Variants in ITGB3 observed in about 807,000 individuals in gnomAD.
ITGB3 encodes integrin beta-3.
Under a neutral mutation model 85.8 loss-of-function variants are expected in ITGB3, and 48 were observed. The observed-to-expected ratio is 0.56, with a 90% confidence interval of 0.44 to 0.71. ITGB3 has a LOEUF of 0.71. Ranked by LOEUF, ITGB3 falls within the 30% of genes least tolerant of loss-of-function variation. ITGB3 has a pLI of 0.00. For synonymous variants in ITGB3, 363 were observed against 395.6 expected, an observed-to-expected ratio of 0.92 and a Z score of 0.98; for missense variants, 861 against 1,019.1, an observed-to-expected ratio of 0.84 and a Z score of 2.11.
intron 1 of ITGB3, among the ~76,000 whole-genome samples, chr17:47,262,034 T>G (rs2143035293): frequency 6.6e-6 from 1 of 152,350 alleles, no homozygotes; most frequent in East Asian, 1.9e-4. Flanking sequence ...CCTTATTCAT[T>G]TATTATGCAC....
chr17:47,269,873 C>A (rs2065038331), intron 1 of ITGB3, among the ~76,000 whole-genome samples: 1 of 152,182 alleles, frequency 6.6e-6, no homozygotes, highest in East Asian at 1.9e-4. Flanking sequence ...TAAAGACATA[C>A]CCAATACCAG....
In ITGB3 at chr17:47,280,652, C is replaced by T. The variant is rs570689323; in HGVS notation, c.166-2702C>T. Among the ~76,000 whole-genome samples the T allele has an allele frequency of 2.0e-4, 31 of 152,264 alleles. No individual in the cohort carries two copies. In the South Asian group the frequency reaches 6.0e-3, roughly 30 times the overall value. On this transcript the variant is annotated intron_variant, in intron 2 of 14. Transcript: ENST00000559488. ...GATTACAGGCATGAGTCATCGCACCCGGCCGGTTACAGGGCTTTTGAGTAT... is the reference window on the plus strand; with the variant it reads ...GATTACAGGCATGAGTCATCGCACCTGGCCGGTTACAGGGCTTTTGAGTAT...
In ITGB3 at chr17:47,307,506, C is replaced by T. The variant is rs762005536; in HGVS notation, c.2170C>T (p.Leu724Phe). ...GGGCCCTGACATCCTGGTGGTCCTG[C>T]TCTCAGTGATGGGGGCCATTCTGCT... is the stretch of plus-strand genomic sequence containing the variant. ...PKGPDILVVL[L>F]SVMGAILLIG... Residue 724 changes from leucine to phenylalanine, a missense_variant, in exon 14 of 15, where the codon CTC (leucine) becomes TTC (phenylalanine). Physicochemically the swap from Leu to Phe is conservative, Grantham distance 22 (BLOSUM62 0). Coordinates refer to ENST00000559488, the MANE Select transcript of ITGB3 (RefSeq NM_000212.3). 1 of 1,614,162 alleles carries T rather than the reference C, an allele frequency of 6.2e-7. No individual in the cohort carries two copies. The highest frequency in any genetic ancestry group is 1.7e-5 in the Admixed American group (1 of 60,016).
rs1032493296 is a variant in ITGB3, at chr17:47,310,735, C to T, written c.*531C>T. The T allele has an allele frequency of 8.9e-5, 17 of 191,128 alleles. No homozygotes were observed. In the Admixed American group the frequency reaches 8.9e-4, roughly 10 times the overall value. 11.8% of individuals were successfully genotyped at this position (191,128 alleles called of 1,614,324 possible). A position where few individuals can be genotyped will look rare whatever the true frequency, so the allele number is the denominator to read the frequency against. On this transcript the variant is annotated 3_prime_UTR_variant, in exon 15 of 15. Coordinates refer to ENST00000559488, the MANE Select transcript of ITGB3 (RefSeq NM_000212.3). ...GCTTGGCAGCCCGGGTCATCTGTAC[C>T]TCTGCCTCCTTTCCCCTCCCTCAGG...
chr17:47,287,871 C>A (rs2065108897), intron 6 of ITGB3, among the ~76,000 whole-genome samples: 1 of 144,648 alleles, frequency 6.9e-6, no homozygotes, highest in Non-Finnish European at 1.5e-5. Context: ...GATCTTGCCA[C>A]TACACTCCAG....
chr17:47,267,871 G>C (rs1458762265), intron 1 of ITGB3, among the ~76,000 whole-genome samples: 1 of 152,184 alleles, frequency 6.6e-6, no homozygotes, highest in East Asian at 1.9e-4. Context: ...GTCTGTATTA[G>C]TTCATTTTCA....
rs2065214332 is a variant in ITGB3 at position 47,311,453 on chromosome 17, T to C, written c.*1249T>C. ...CAATTTTATTTTATTTTTCTCATGA[T>C]GAGGTTTTCTTAACTTAAAAGAACA... On this transcript the variant is annotated 3_prime_UTR_variant, in exon 15 of 15. Coordinates refer to ENST00000559488, the MANE Select transcript of ITGB3 (RefSeq NM_000212.3). The C allele has an allele frequency of 6.6e-6, 1 of 152,660 alleles. No homozygotes were observed. The highest frequency in any genetic ancestry group is 2.1e-4 in the South Asian group (1 of 4,836). The allele number at this position is 152,660 out of a possible 1,614,324, so 9.5% of individuals were successfully genotyped here.
chr17:47,290,930 C>T, intron 8 of ITGB3, 24 bp from the exon 9 acceptor site: 3 of 1,613,856 alleles, frequency 1.9e-6, no homozygotes, highest in Non-Finnish European at 2.5e-6. Context: ...AATTTCTTGT[C>T]TTCTTGTGCC....
rs1335203187 is a variant in ITGB3, at chr17:47,310,373, G to A, written c.*169G>A. ...GTGTGGGTCTGTGTGTGTGTATGTGGGGGTCTGTGTGTTTATGTGTGTGTG... is the reference window on the plus strand; with the variant it reads ...GTGTGGGTCTGTGTGTGTGTATGTGAGGGTCTGTGTGTTTATGTGTGTGTG... On this transcript the variant is annotated 3_prime_UTR_variant, in exon 15 of 15. Transcript: ENST00000559488. 4 of 703,068 alleles carry A rather than the reference G, an allele frequency of 5.7e-6. No individual in the cohort carries two copies. In the Middle Eastern group the frequency reaches 1.4e-3, roughly 245 times the overall value. The allele number at this position is 703,068 out of a possible 1,614,324, so 43.6% of individuals were successfully genotyped here.
chr17:47,292,349 G>A lies in ITGB3; in HGVS notation c.1471G>A (p.Gly491Ser). Residue 491 changes from glycine (G) to serine (S), a missense_variant, in exon 10 of 15, where the codon GGC becomes AGC. By Grantham distance (56) the Gly-to-Ser change is moderately conservative (BLOSUM62 0). Transcript: ENST00000559488. ...FECGVCRCGPGWLGSQCECSE... is the reference protein window; with the variant it reads ...FECGVCRCGPSWLGSQCECSE... Reference sequence around the variant, plus strand: ...GTGTGGGGTATGCCGTTGTGGGCCTGGCTGGCTGGGATCCCAGTGTGAGTG... The same window carrying A: ...GTGTGGGGTATGCCGTTGTGGGCCTAGCTGGCTGGGATCCCAGTGTGAGTG... The A allele has an allele frequency of 1.9e-6, 3 of 1,614,220 alleles. No homozygotes were observed. Among genetic ancestry groups the A allele is most frequent in the Non-Finnish European group, 2.5e-6 (3 of 1,180,038 alleles).
At chr17:47,292,045 C>A in intron 9 of ITGB3, 94 bp from the exon 10 acceptor site, 1 of 1,339,308 alleles carries the variant, frequency 7.5e-7, no homozygotes, top group Non-Finnish European at 1.1e-6. Context: ...TTGGGTATTC[C>A]TTGGCAGGGC....
intron 1 of ITGB3, among the ~76,000 whole-genome samples, chr17:47,262,507 G>A (rs1438612998): frequency 2.0e-5 from 3 of 152,146 alleles, no homozygotes; most frequent in Non-Finnish European, 2.9e-5. Context: ...GCTTCCTAGG[G>A]TATGAGTCCC....
chr17:47,308,292 C>T (rs2065197875), intron 14 of ITGB3, among the ~76,000 whole-genome samples: 1 of 152,012 alleles, frequency 6.6e-6, no homozygotes, highest in Admixed American at 6.6e-5. Flanking sequence ...CTTAATCTTA[C>T]TCTATTCTCT....
chr17:47,289,308 C>A (rs1730444268), intron 6 of ITGB3, among the ~76,000 whole-genome samples: 1 of 152,014 alleles, frequency 6.6e-6, no homozygotes, highest in African/African-American at 2.4e-5. Flanking sequence ...TGCTACTTAC[C>A]CTTCTTATCT....
intron 10 of ITGB3, among the ~76,000 whole-genome samples, chr17:47,296,443 A>C (rs1210954234): frequency 1.3e-5 from 2 of 152,148 alleles, no homozygotes; most frequent in Admixed American, 6.5e-5. Flanking sequence ...TATGTTGCCC[A>C]GGCTAGTCTT....
chr17:47,286,604 G>A (rs980103356), intron 5 of ITGB3, among the ~76,000 whole-genome samples, 182 bp downstream of exon 5: 1 of 152,202 alleles, frequency 6.6e-6, no homozygotes, highest in Non-Finnish European at 1.5e-5. Context: ...TCCCTGGCCT[G>A]AGCTGACATT....
chr17:47,254,091 G>C, intron 1 of ITGB3, 151 bp downstream of exon 1: 1 of 464,726 alleles, frequency 2.2e-6, no homozygotes, highest in Admixed American at 4.6e-5. Context: ...TCGGAGCCGG[G>C]AGCTGGGGAC....
chr17:47,287,911 C>CT (rs60463106), intron 6 of ITGB3, among the ~76,000 whole-genome samples: 2,448 of 55,336 alleles, frequency 0.044, 416 homozygotes, highest in Non-Finnish European at 0.049. Context: ...ACCACCCCTG[C>CT]TTTTTTTTTT....
At chr17:47,266,297 C>T (rs1401067207) in intron 1 of ITGB3, among the ~76,000 whole-genome samples, 1 of 152,218 alleles carries the variant, frequency 6.6e-6, no homozygotes, top group African/African-American at 2.4e-5. Context: ...CTTACTGTGA[C>T]TTAGCCCTCT....
Sources: allele counts gnomAD v4.1 joint callset (sites outside exome capture counted in the v4.1 genomes callset), GRCh38; gene constraint gnomAD v4.1.1; transcripts MANE v1.5; gene names NCBI Gene and HGNC (gene_info 2026-07-23, HGNC 2026-07-21).